PSMB9: variants seen among roughly 807,000 people sequenced by gnomAD.
PSMB9 encodes proteasome 20S subunit beta 9.
In PSMB9, 16 loss-of-function variants were observed where a neutral mutation model predicts 26.9. The ratio of observed to expected loss-of-function variants is 0.59; its 90% CI spans 0.40 to 0.90. The LOEUF is 0.90. Among genes scored for constraint, PSMB9 ranks in the 40% least tolerant of loss-of-function variants. The pLI is 0.00. For synonymous variants in PSMB9, 91 were observed against 112.0 expected, an observed-to-expected ratio of 0.81 and a Z score of 1.18; for missense variants, 253 against 292.2, an observed-to-expected ratio of 0.87 and a Z score of 0.98.
chr6:32,856,253 C>G, intron 2 of PSMB9, 48 bp downstream of exon 2: 1 of 1,544,940 alleles, frequency 6.5e-7, no homozygotes, highest in Non-Finnish European at 8.9e-7. Flanking sequence ...CTAATGGCCT[C>G]AAATACACAC....
At chr6:32,859,371 T>C in intron 5 of PSMB9, 34 bp from the exon 6 acceptor site, 1 of 1,579,572 alleles carries the variant, frequency 6.3e-7, no homozygotes, top group Non-Finnish European at 8.6e-7. Flanking sequence ...AGCCATCCTC[T>C]CTCTCCCTCT....
Position 32,854,211 on chromosome 6 carries a change from A to G in PSMB9, c.-19A>G. The G allele has an allele frequency of 6.5e-7, 1 of 1,546,626 alleles. No homozygotes were observed. The highest frequency in any genetic ancestry group is 8.7e-7 in the Non-Finnish European group (1 of 1,146,376). ...GAAACCAGTGCCCCAGGCGGCGAGG[A>G]GAGCGGTGCCTTGCAGGGATGCTGC... On this transcript the variant is annotated 5_prime_UTR_variant, in exon 1 of 6. Coordinates refer to ENST00000374859, the MANE Select transcript of PSMB9 (RefSeq NM_002800.5). The surrounding 1 kb of genome is among the most constrained non-coding windows in gnomAD (Gnocchi z 4.6).
Position 32,859,458 on chromosome 6 carries a change from G to T in PSMB9, c.586G>T (p.Val196Phe). ...DGSSGGVIYL[V>F]TITAAGVDHR... The stretch of plus-strand genomic sequence containing the variant: ...CTCAAGCGGGGGTGTCATCTACCTG[G>T]TCACTATTACAGCTGCCGGTGTGGA... Residue 196 changes from valine to phenylalanine, a missense_variant, in exon 6 of 6, where the codon GTC becomes TTC. Val to Phe is a conservative substitution (Grantham distance 50). Coordinates refer to ENST00000374859, the MANE Select transcript of PSMB9 (RefSeq NM_002800.5). 1 of 1,613,614 alleles carries T rather than the reference G, an allele frequency of 6.2e-7. No individual in the cohort carries two copies. The highest frequency in any genetic ancestry group is 8.5e-7 in the Non-Finnish European group (1 of 1,179,862).
At chr6:32,857,953 G>A in intron 3 of PSMB9, 52 bp from the exon 4 acceptor site, 3 of 1,608,934 alleles carry the variant, frequency 1.9e-6, no homozygotes, top group Non-Finnish European at 2.5e-6. Context: ...TAACAGTATA[G>A]GAGAATGAGA....
intron 2 of PSMB9, 28 bp downstream of exon 2, chr6:32,856,233 TG>T: frequency 6.3e-7 from 1 of 1,598,938 alleles, no homozygotes; most frequent in Non-Finnish European, 8.6e-7. Context: ...TGTATGCATT[TG>T]GAAAGAAGCT....
intron 3 of PSMB9, chr6:32,857,640 T>C (rs1167865505): frequency 1.9e-6 from 1 of 524,978 alleles, no homozygotes; most frequent in Non-Finnish European, 3.3e-6. Flanking sequence ...TGTAAATCAC[T>C]ATCCTGATAT....
At chr6:32,857,716 C>G (rs902968753) in intron 3 of PSMB9, 1 of 536,722 alleles carries the variant, frequency 1.9e-6, no homozygotes, top group Non-Finnish European at 3.3e-6. Flanking sequence ...TACGAGAAAT[C>G]AAGGTCGTTG....
chr6:32,854,253 CG>C lies in PSMB9; in HGVS notation c.28del (p.Asp10ThrfsTer24). On this transcript the variant is annotated frameshift_variant, in exon 1 of 6. Transcript: ENST00000374859. LOFTEE classifies it high-confidence loss of function. The surrounding 1 kb of genome is among the most constrained non-coding windows in gnomAD (Gnocchi z 4.6). MLRAGAPT[G>X]DLPRAGEVHT... ...GGATGCTGCGGGCGGGAGCACCAAC[CG>C]GGGACTTACCCCGGGCGGGAGAAGT... is the stretch of plus-strand genomic sequence containing the variant. 1 of 1,533,870 alleles carries C rather than the reference CG, an allele frequency of 6.5e-7. No individual in the cohort carries two copies. Among genetic ancestry groups the C allele is most frequent in the South Asian group, 1.2e-5 (1 of 81,538 alleles).
At position 32,854,784 on chromosome 6, in the gene PSMB9, T is replaced by C. The variant is rs1336048471; in HGVS notation, c.60+495T>C. On this transcript the variant is annotated intron_variant, in intron 1 of 5. Transcript: ENST00000374859. This position sits in a 1 kb window ranked among gnomAD's most constrained non-coding sequence, Gnocchi z 4.6. ...CAACTCTTAGCCCAAGCACTGATAA[T>C]GGGCGTTCTGTGTTAACTAGTGATG... Among the ~76,000 whole-genome samples the C allele has an allele frequency of 6.6e-6, 1 of 152,230 alleles. No individual in the cohort carries two copies. Among genetic ancestry groups the C allele is most frequent in the Non-Finnish European group, 1.5e-5 (1 of 68,040 alleles).
rs181901366 is a variant in PSMB9, at chr6:32,856,998, G to C, written c.129-265G>C. ...GGCAGATATTTGAGGTCAGGAGTTT[G>C]AGACCAGCCTGGCCAACATGTTGGG... On this transcript the variant is annotated intron_variant, in intron 2 of 5. Transcript: ENST00000374859. 4 of 258,308 alleles carry C rather than the reference G, an allele frequency of 1.5e-5. No homozygotes were observed. The Admixed American group carries it at 1.6e-4, about 10-fold the overall frequency. 16.0% of individuals were successfully genotyped at this position (258,308 alleles called of 1,614,324 possible).
intron 1 of PSMB9, among the ~76,000 whole-genome samples, chr6:32,855,618 A>G (rs1771123075): frequency 1.3e-5 from 2 of 150,996 alleles, no homozygotes; most frequent in African/African-American, 4.9e-5. Flanking sequence ...GCCCTCCTCG[A>G]TTTTTTCCAA....
chr6:32,858,273 C>T lies in PSMB9; in HGVS notation c.391-91C>T. The T allele has an allele frequency of 2.5e-6, 4 of 1,600,056 alleles. No homozygotes were observed. The highest frequency in any genetic ancestry group is 3.4e-5 in the Admixed American group (2 of 59,406). On this transcript the variant is annotated intron_variant, in intron 4 of 5. Coordinates refer to ENST00000374859, the MANE Select transcript of PSMB9 (RefSeq NM_002800.5). This position sits in a 1 kb window ranked among gnomAD's most constrained non-coding sequence, Gnocchi z 5.2. ...ATAGTACTTTGGGGATATGAGATAC[C>T]AGGGCTTCATTGCAGGGTGCAGAGA...
intron 3 of PSMB9, chr6:32,857,722 C>T (rs527947257): frequency 7.5e-5 from 40 of 536,132 alleles, no homozygotes; most frequent in Middle Eastern, 9.7e-4. Flanking sequence ...AAATCAAGGT[C>T]GTTGGGACGG....
chr6:32,855,999 T>C, intron 1 of PSMB9, 139 bp from the exon 2 acceptor site: 1 of 688,522 alleles, frequency 1.5e-6, no homozygotes. Context: ...AAAAAGCCTG[T>C]ACTGACAGTC....
Position 32,859,646 on chromosome 6 carries a change from T to C in PSMB9, c.*114T>C. 2.4e-6 allele frequency: 3 copies of C among 1,260,094 alleles called. No homozygotes were observed. Among genetic ancestry groups the C allele is most frequent in the East Asian group, 2.4e-5 (1 of 41,656 alleles). The allele number at this position is 1,260,094 out of a possible 1,614,324, so 78.1% of individuals were successfully genotyped here. A position where few individuals can be genotyped will look rare whatever the true frequency, so the allele number is the denominator to read the frequency against. ...GATGGAGCTTAGGGGAGGTGGGTGC[T>C]TCCCTCCTAGATGTCAGCATACACT... is the stretch of plus-strand genomic sequence containing the variant. On this transcript the variant is annotated 3_prime_UTR_variant, in exon 6 of 6. Coordinates refer to ENST00000374859, the MANE Select transcript of PSMB9 (RefSeq NM_002800.5).
intron 2 of PSMB9, 35 bp downstream of exon 2, chr6:32,856,240 A>G (rs753522763): frequency 6.3e-7 from 1 of 1,583,632 alleles, no homozygotes; most frequent in Non-Finnish European, 8.7e-7. Context: ...ATTTGGAAAG[A>G]AGCTAATGGC....
At chr6:32,857,178 G>A in intron 2 of PSMB9, 85 bp from the exon 3 acceptor site, 1 of 1,449,036 alleles carries the variant, frequency 6.9e-7, no homozygotes, top group Non-Finnish European at 9.1e-7. Context: ...TCCAGCCTGG[G>A]TGACAGAGTG....
At chr6:32,859,325 A>G in intron 5 of PSMB9, 80 bp from the exon 6 acceptor site, 1 of 1,474,968 alleles carries the variant, frequency 6.8e-7, no homozygotes, top group Non-Finnish European at 9.1e-7. Flanking sequence ...TAGTAGGCAT[A>G]TGGATGGAGG....
chr6:32,857,660 G>T, intron 3 of PSMB9: 1 of 527,252 alleles, frequency 1.9e-6, no homozygotes, highest in Non-Finnish European at 3.3e-6. Context: ...TAAATAATCA[G>T]GAAGAAGGTG....
Sources: gnomAD v4.1 joint callset for allele counts (sites outside exome capture counted in the v4.1 genomes callset) on GRCh38, gnomAD v4.1.1 for gene constraint, Gnocchi (gnomAD v3.1) non-coding constraint, MANE v1.5 for transcripts, NCBI Gene and HGNC (gene_info 2026-07-23, HGNC 2026-07-21) for gene names.